The following AHDC1 variants were observed in gnomAD, a reference collection of about 807,000 sequenced individuals.
AHDC1 encodes transcription factor Gibbin.
A neutral mutation model predicts 87.9 loss-of-function variants in AHDC1; 7 were observed. That is an observed-to-expected ratio of 0.08 (90% CI 0.05 to 0.15). The LOEUF (loss-of-function observed/expected upper bound fraction) is 0.15, where lower values mean the gene tolerates loss of function less well. AHDC1 is among the 10% of genes least tolerant of loss of function. The pLI is 1.00. For missense variants in AHDC1, 1,841 were observed against 2,253.2 expected, an observed-to-expected ratio of 0.82 and a Z score of 3.70; for synonymous variants, 1,051 against 1,006.8, an observed-to-expected ratio of 1.04 and a Z score of -0.83.
intron 5 of AHDC1, among the ~76,000 whole-genome samples, chr1:27,556,912 A>T (rs2019841302): frequency 6.6e-6 from 1 of 151,188 alleles, no homozygotes; most frequent in Non-Finnish European, 1.5e-5. Context: ...CTCCCTCGCC[A>T]CTAGGTGTCC....
intron 8 of AHDC1, among the ~76,000 whole-genome samples, chr1:27,541,511 G>A (rs1022588604): frequency 2.0e-5 from 3 of 151,782 alleles, no homozygotes; most frequent in African/African-American, 7.3e-5. Context: ...TAGAGACAGG[G>A]TTTCACCATG....
rs774383945 is a variant in AHDC1, at chr1:27,547,514, G to A, written c.4602C>T (p.Ala1534=). Residue 1534 remains alanine, a synonymous_variant, in exon 8 of 9, where the codon GCC becomes GCT. Coordinates refer to ENST00000673934, the MANE Select transcript of AHDC1 (RefSeq NM_001371928.1). The surrounding 1 kb of genome is among the most constrained non-coding windows in gnomAD (Gnocchi z 4.9). ...PPGPPRGPAA[A]AAGYGCPLLS... is the part of the protein sequence containing the mutation. ...GGAGTGGGCAGCCATAGCCAGCAGC[G>A]GCTGCAGCAGGGCCACGGGGTGGGC... 116 of 1,609,030 alleles carry A rather than the reference G, an allele frequency of 7.2e-5. No individual in the cohort carries two copies. The highest frequency in any genetic ancestry group is 9.5e-5 in the Non-Finnish European group (112 of 1,177,138).
intron 3 of AHDC1, among the ~76,000 whole-genome samples, chr1:27,581,921 C>T (rs576845414): frequency 6.4e-4 from 98 of 152,320 alleles, no homozygotes; most frequent in Middle Eastern, 3.4e-3. Context: ...CAACACCACC[C>T]ACACACTCAC....
rs545369413 is a variant in AHDC1 at position 27,548,120 on chromosome 1, G to A, written c.3996C>T (p.Ala1332=). ...AGGGGTCTCGCTCTCCCACGCCGAA[G>A]GCCCTCGACTGTGAGGGCAGTGGTG... ...SMSPLPSQSR[A]FGVGERDPCD... The change falls in exon 8 of 9, where the codon GCC becomes GCT. Residue 1332 remains alanine (A), a synonymous_variant. Coordinates refer to ENST00000673934, the MANE Select transcript of AHDC1 (RefSeq NM_001371928.1). 12 of 1,613,918 alleles carry A rather than the reference G, an allele frequency of 7.4e-6. No homozygotes were observed. Among genetic ancestry groups the A allele is most frequent in the Middle Eastern group, 1.6e-4 (1 of 6,062 alleles).
At chr1:27,577,564 G>A (rs2088790958) in intron 3 of AHDC1, among the ~76,000 whole-genome samples, 1 of 152,212 alleles carries the variant, frequency 6.6e-6, no homozygotes, top group Non-Finnish European at 1.5e-5. Flanking sequence ...CCTAGGACAG[G>A]GCTTGGAGCT....
intron 3 of AHDC1, among the ~76,000 whole-genome samples, chr1:27,571,341 C>A (rs1481599598): frequency 1.3e-5 from 2 of 152,184 alleles, no homozygotes; most frequent in South Asian, 4.1e-4. Flanking sequence ...GAAATACAAC[C>A]CTGCCCTGGG....
chr1:27,538,400 C>CAAAAAAAAAAAAAA (rs370786800), intron 8 of AHDC1, among the ~76,000 whole-genome samples: 103 of 60,694 alleles, frequency 1.7e-3, no homozygotes, highest in African/African-American at 5.1e-3. Context: ...AAGACTGTCT[C>CAAAAAAAAAAAAAA]AAAAAAAAAA....
rs186147873 is a variant in AHDC1, at chr1:27,562,552, C to T, written c.-628-3669G>A. 6.6e-6 allele frequency among the ~76,000 whole-genome samples: 1 copy of T among 152,306 alleles called. No homozygotes were observed. The highest frequency in any genetic ancestry group is 6.5e-5 in the Admixed American group (1 of 15,308). On this transcript the variant is annotated intron_variant, in intron 3 of 8. Coordinates refer to ENST00000673934, the MANE Select transcript of AHDC1 (RefSeq NM_001371928.1). This position sits in a 1 kb window ranked among gnomAD's most constrained non-coding sequence, Gnocchi z 4.4. ...CCCTGGCCCTAAAGGCCCTTCTCCA[C>T]ACCATCTGAAGAATGCTGGGTCCCT...
chr1:27,549,314 G>A lies in AHDC1; in HGVS notation c.2802C>T (p.Ala934=). The stretch of plus-strand genomic sequence containing the variant: ...TCTCGGCTGCCCGGCAGTCTGAAGC[G>A]GCTGGAGTTAGCCCATAGCTTGCTG... The part of the protein sequence containing the change: ...GRAASYGLTP[A]ASDCRAAETF... The change falls in exon 8 of 9, where the codon GCC becomes GCT. Residue 934 remains alanine (A), a synonymous_variant. Coordinates refer to ENST00000673934, the MANE Select transcript of AHDC1 (RefSeq NM_001371928.1). 6.2e-7 allele frequency: 1 copy of A among 1,608,226 alleles called. No homozygotes were observed. The highest frequency in any genetic ancestry group is 1.7e-5 in the Admixed American group (1 of 59,838).
At chr1:27,589,454 T>C (rs932443096) in intron 3 of AHDC1, among the ~76,000 whole-genome samples, 2 of 152,192 alleles carry the variant, frequency 1.3e-5, no homozygotes, top group African/African-American at 4.8e-5. Flanking sequence ...TCTATGTGTG[T>C]CCTAGACTCC....
rs1344850263 is a variant in AHDC1, at chr1:27,547,661, T to C, written c.4455A>G (p.Thr1485=). The C allele has an allele frequency of 3.1e-6, 5 of 1,596,976 alleles. No individual in the cohort carries two copies. Among genetic ancestry groups the C allele is most frequent in the Admixed American group, 1.7e-5 (1 of 57,910 alleles). Residue 1485 remains threonine (T), a synonymous_variant, in exon 8 of 9, where the codon ACA becomes ACG. Coordinates refer to ENST00000673934, the MANE Select transcript of AHDC1 (RefSeq NM_001371928.1). This position sits in a 1 kb window ranked among gnomAD's most constrained non-coding sequence, Gnocchi z 4.9. ...RSPPYEGKVG[T]GLLADFLGRT... ...TGCCCAGGAAGTCAGCCAGCAGCCC[T>C]GTACCCACCTTGCCTTCATAGGGCG...
intron 8 of AHDC1, among the ~76,000 whole-genome samples, chr1:27,535,168 G>A (rs1441977013): frequency 6.6e-6 from 1 of 152,150 alleles, no homozygotes; most frequent in African/African-American, 2.4e-5. Context: ...TGAGGAGGTG[G>A]GGTTCCAGGC....
At chr1:27,540,717 C>T (rs2018865791) in intron 8 of AHDC1, among the ~76,000 whole-genome samples, 1 of 152,060 alleles carries the variant, frequency 6.6e-6, no homozygotes, top group African/African-American at 2.4e-5. Context: ...CCAGCCCTCC[C>T]AGAGCTCCCT....
rs2148342957 is a variant in AHDC1, at chr1:27,560,849, G to GT, written c.-628-1967dup. 6.6e-6 allele frequency among the ~76,000 whole-genome samples: 1 copy of GT among 152,098 alleles called. No individual in the cohort carries two copies. Among genetic ancestry groups the GT allele is most frequent in the East Asian group, 1.9e-4 (1 of 5,180 alleles). On this transcript the variant is annotated intron_variant, in intron 3 of 8. Transcript: ENST00000673934. This position sits in a 1 kb window ranked among gnomAD's most constrained non-coding sequence, Gnocchi z 4.1. ...GTGGTACCTTTGTGAAGGGCTCAGT[G>GT]TGTGAGTGCGTGTGTGCATGCATGT... is the stretch of plus-strand genomic sequence containing the variant.
chr1:27,553,279 T>C (rs2019660438), intron 5 of AHDC1, 94 bp from the exon 6 acceptor site: 1 of 152,442 alleles, frequency 6.6e-6, no homozygotes, highest in Admixed American at 6.5e-5. Context: ...CATTTAATTC[T>C]TCATACCAAT....
intron 3 of AHDC1, among the ~76,000 whole-genome samples, chr1:27,564,303 C>T (rs1396616076): frequency 3.9e-5 from 6 of 152,158 alleles, no homozygotes; most frequent in African/African-American, 1.2e-4. Context: ...GAAGGGGCCG[C>T]AGTGAGAGAA....
chr1:27,569,618 C>T (rs1042184448), intron 3 of AHDC1, among the ~76,000 whole-genome samples: 1 of 152,172 alleles, frequency 6.6e-6, no homozygotes, highest in African/African-American at 2.4e-5. Flanking sequence ...AAGGGAAGAA[C>T]ATCTCCTACC....
chr1:27,603,964 T>G (rs1350038431), intron 1 of AHDC1, 101 bp from the exon 2 acceptor site: 4 of 122,398 alleles, frequency 3.3e-5, no homozygotes, highest in Non-Finnish European at 5.1e-5. Flanking sequence ...CCCTCCCTCC[T>G]CCTGCCTTCT....
intron 3 of AHDC1, among the ~76,000 whole-genome samples, chr1:27,587,456 G>A (rs899859283): frequency 6.6e-6 from 1 of 152,140 alleles, no homozygotes; most frequent in African/African-American, 2.4e-5. Flanking sequence ...TGTTCACCTA[G>A]CTTGCTTGGA....
Sources: allele counts gnomAD v4.1 joint callset (sites outside exome capture counted in the v4.1 genomes callset), GRCh38; gene constraint gnomAD v4.1.1; non-coding constraint Gnocchi (gnomAD v3.1); transcripts MANE v1.5; gene names NCBI Gene and HGNC (gene_info 2026-07-23, HGNC 2026-07-21).